Variants in KIF5C observed in about 807,000 individuals in gnomAD.
KIF5C encodes kinesin heavy chain isoform 5C.
Under a neutral mutation model 125.2 loss-of-function variants are expected in KIF5C, and 18 were observed. The ratio of observed to expected loss-of-function variants is 0.14; its 90% confidence interval spans 0.10 to 0.21. The LOEUF (loss-of-function observed/expected upper bound fraction) is 0.21. Ranked by LOEUF, KIF5C falls within the 10% of genes least tolerant of loss-of-function variation. The pLI is 1.00. For missense variants in KIF5C, 780 were observed against 1,183.8 expected (o/e 0.66, Z 5.01); for synonymous variants, 405 against 434.0 (o/e 0.93, Z 0.83).
intron 1 of KIF5C, among the ~76,000 whole-genome samples, chr2:148,880,059 G>A (rs1209994089): frequency 1.3e-5 from 2 of 152,118 alleles, no homozygotes; most frequent in Admixed American, 1.3e-4. Context: ...TCTTTCCACA[G>A]TAATGGTCTT....
chr2:149,000,499 A>G lies in KIF5C; in HGVS notation c.2287A>G (p.Arg763Gly). Residue 763 changes from arginine (R) to glycine (G), a missense_variant, in exon 20 of 26, where the codon AGA (arginine) becomes GGA (glycine). Arg to Gly is a moderately radical substitution (Grantham distance 125). This residue lies in a region of KIF5C where 573 missense variants were observed against 742.6 expected (regional missense o/e 0.77). Coordinates refer to ENST00000435030, the MANE Select transcript of KIF5C (RefSeq NM_004522.3). ...CAAGCTGAAAATAGAGGACCAAGAGAGAGAAATGAAGCTGGAAAAGCTCTT... is the reference window on the plus strand; with the variant it reads ...CAAGCTGAAAATAGAGGACCAAGAGGGAGAAATGAAGCTGGAAAAGCTCTT... Reference protein sequence around the residue: ...YNKLKIEDQEREMKLEKLLLL... With the variant: ...YNKLKIEDQEGEMKLEKLLLL... 2 of 1,569,096 alleles carry G rather than the reference A, an allele frequency of 1.3e-6. No individual in the cohort carries two copies. Among genetic ancestry groups the G allele is most frequent in the South Asian group, 1.2e-5 (1 of 86,198 alleles).
intron 21 of KIF5C, among the ~76,000 whole-genome samples, chr2:149,003,958 A>T (rs970566324): frequency 1.3e-5 from 2 of 152,174 alleles, no homozygotes; most frequent in African/African-American, 4.8e-5. Context: ...GGGTGGGCGC[A>T]GGTGTTAAGG....
At chr2:148,927,035 A>T (rs1682029229) in intron 2 of KIF5C, among the ~76,000 whole-genome samples, 1 of 152,208 alleles carries the variant, frequency 6.6e-6, no homozygotes, top group African/African-American at 2.4e-5. Flanking sequence ...AAATGGCAGC[A>T]AGAAACAGAT....
intron 6 of KIF5C, 69 bp from the exon 7 acceptor site, chr2:148,942,603 GT>G: frequency 6.5e-7 from 1 of 1,548,152 alleles, no homozygotes; most frequent in South Asian, 1.2e-5. Flanking sequence ...ACAGGAAAAT[GT>G]TTCAGCCTTT....
chr2:148,978,023 G>A (rs1408629006), intron 12 of KIF5C, among the ~76,000 whole-genome samples: 1 of 152,152 alleles, frequency 6.6e-6, no homozygotes, highest in Non-Finnish European at 1.5e-5. Flanking sequence ...ACTCTGTTTG[G>A]TGTTTAGACC....
At chr2:148,971,945 AT>A (rs1193556090) in intron 11 of KIF5C, among the ~76,000 whole-genome samples, 2 of 151,972 alleles carry the variant, frequency 1.3e-5, no homozygotes, top group Non-Finnish European at 2.9e-5. Context: ...TTATTTATTT[AT>A]TTATTGAGAC....
At chr2:148,969,441 G>GTGTC (rs1376720500) in intron 11 of KIF5C, among the ~76,000 whole-genome samples, 2 of 151,362 alleles carry the variant, frequency 1.3e-5, no homozygotes, top group Non-Finnish European at 2.9e-5. Flanking sequence ...GTGTGTGTGT[G>GTGTC]TGTGTGTGTG....
At chr2:149,006,277 A>G (rs973893129) in intron 22 of KIF5C, among the ~76,000 whole-genome samples, 1 of 152,128 alleles carries the variant, frequency 6.6e-6, no homozygotes, top group Admixed American at 6.5e-5. Flanking sequence ...TCTTACAAAG[A>G]TAGAGTCGGG....
chr2:148,887,237 CTCTT>C (rs1681554647), intron 1 of KIF5C, among the ~76,000 whole-genome samples: 1 of 151,956 alleles, frequency 6.6e-6, no homozygotes, highest in African/African-American at 2.4e-5. Flanking sequence ...TGAATTTCAC[CTCTT>C]TCTTTGTACT....
At chr2:148,980,683 T>TGC (rs1356901410) in intron 13 of KIF5C, among the ~76,000 whole-genome samples, 2 of 131,160 alleles carry the variant, frequency 1.5e-5, no homozygotes, top group East Asian at 4.2e-4. Context: ...TGCTTATTTA[T>TGC]TTATTTATTT....
Position 148,922,232 on chromosome 2 carries a change from G to A in KIF5C, c.217+5G>A. The A allele has an allele frequency of 6.3e-7, 1 of 1,596,486 alleles. No homozygotes were observed. Among genetic ancestry groups the A allele is most frequent in the South Asian group, 1.1e-5 (1 of 89,854 alleles). ...GTGCGAAGCAAATTGTCAAAGGTAAGTGCTATTTCTTTATTTCCTCCTGGG... is the reference window on the plus strand; with the variant it reads ...GTGCGAAGCAAATTGTCAAAGGTAAATGCTATTTCTTTATTTCCTCCTGGG... On this transcript the variant is annotated splice_donor_5th_base_variant and intron_variant, in intron 2 of 25. Coordinates refer to ENST00000435030, the MANE Select transcript of KIF5C (RefSeq NM_004522.3).
At chr2:148,921,061 C>T in intron 1 of KIF5C, among the ~76,000 whole-genome samples, 1 of 152,178 alleles carries the variant, frequency 6.6e-6, no homozygotes, top group East Asian at 1.9e-4. Context: ...AGGATGGGTT[C>T]TCCTAGGGAA....
chr2:148,962,693 T>C (rs1682959418), intron 11 of KIF5C, among the ~76,000 whole-genome samples: 2 of 152,242 alleles, frequency 1.3e-5, no homozygotes, highest in South Asian at 4.1e-4. Context: ...TGCCTTAATC[T>C]GCTTCCAATG....
intron 4 of KIF5C, 34 bp downstream of exon 4, chr2:148,937,422 C>T (rs1201111529): frequency 1.3e-6 from 2 of 1,551,778 alleles, no homozygotes; most frequent in Admixed American, 2.0e-5. Context: ...AGAGAAGACA[C>T]TGGGCCCCAG....
intron 2 of KIF5C, among the ~76,000 whole-genome samples, chr2:148,927,508 G>C (rs1558899617): frequency 6.6e-6 from 1 of 152,010 alleles, no homozygotes; most frequent in Admixed American, 6.5e-5. Flanking sequence ...GTGTGTGTGT[G>C]TGTATAGGGG....
intron 3 of KIF5C, among the ~76,000 whole-genome samples, chr2:148,934,089 A>C (rs1429044656): frequency 6.6e-6 from 1 of 151,074 alleles, no homozygotes; most frequent in Non-Finnish European, 1.5e-5. Flanking sequence ...ACAGACATAT[A>C]TATCACACAC....
At chr2:148,934,507 CACAT>C (rs915892785) in intron 3 of KIF5C, among the ~76,000 whole-genome samples, 11 of 150,900 alleles carry the variant, frequency 7.3e-5, no homozygotes, top group African/African-American at 2.7e-4. Flanking sequence ...TATACATGCA[CACAT>C]ACAGGCAGAA....
At chr2:149,014,503 G>C (rs1682303094) in intron 25 of KIF5C, among the ~76,000 whole-genome samples, 1 of 152,244 alleles carries the variant, frequency 6.6e-6, no homozygotes, top group Non-Finnish European at 1.5e-5. Context: ...GGATGGCAGT[G>C]TGGCTGAGGG....
intron 12 of KIF5C, among the ~76,000 whole-genome samples, chr2:148,976,284 T>TATTTATTTA (rs1558927683): frequency 6.7e-6 from 1 of 148,730 alleles, no homozygotes; most frequent in African/African-American, 2.5e-5. Context: ...TTTATTTATT[T>TATTTATTTA]TTTGAGATGG....
Sources: gnomAD v4.1 joint callset for allele counts (sites outside exome capture counted in the v4.1 genomes callset) on GRCh38, gnomAD v4.1.1 for gene constraint, gnomAD v4.1.1 regional missense constraint, MANE v1.5 for transcripts, NCBI Gene and HGNC (gene_info 2026-07-23, HGNC 2026-07-21) for gene names.